The following REV1 variants were observed in gnomAD, a reference collection of about 807,000 sequenced individuals.
REV1 encodes REV1 DNA directed polymerase.
REV1 carries 42 observed loss-of-function variants against 137.4 expected under a neutral mutation model. The ratio of observed to expected loss-of-function variants is 0.31; its 90% CI spans 0.24 to 0.40. The LOEUF (loss-of-function observed/expected upper bound fraction) is 0.40. REV1 is among the 10% of genes least tolerant of loss of function. The probability of loss-of-function intolerance (pLI) is 1.00; values close to 1 mark genes in which losing one functional copy is unlikely to be tolerated. For synonymous variants in REV1, 524 were observed against 519.2 expected (o/e 1.01, Z -0.12); for missense variants, 1,282 against 1,490.1 (o/e 0.86, Z 2.30).
Position 99,424,714 on chromosome 2 carries a change from A to AAAG in REV1, c.1548-437_1548-435dup, listed in dbSNP as rs1442240216. The AAAG allele has an allele frequency of 2.4e-6, 3 of 1,270,964 alleles. No individual in the cohort carries two copies. In the African/African-American group the frequency reaches 4.6e-5, roughly 20 times the overall value. 78.7% of individuals were successfully genotyped at this position (1,270,964 alleles called of 1,614,324 possible). Reference sequence around the variant, plus strand: ...CCCCCAAAGACAAAGAATATAAACAAAAGAACTACACAAAACAGTGCTATG... The same window carrying AAAG: ...CCCCCAAAGACAAAGAATATAAACAAAAGAAGAACTACACAAAACAGTGCTATG... On this transcript the variant is annotated intron_variant, in intron 9 of 22. Coordinates refer to ENST00000258428, the MANE Select transcript of REV1 (RefSeq NM_016316.4).
chr2:99,476,246 G>C (rs1255423251), intron 1 of REV1, among the ~76,000 whole-genome samples: 1 of 152,024 alleles, frequency 6.6e-6, no homozygotes, highest in Non-Finnish European at 1.5e-5. Context: ...GAGACTGGGA[G>C]GTAACCTCTA....
intron 3 of REV1, among the ~76,000 whole-genome samples, chr2:99,457,715 G>A (rs1392077929): frequency 6.6e-6 from 1 of 151,626 alleles, no homozygotes; most frequent in Non-Finnish European, 1.5e-5. Context: ...AGAGAGAGGC[G>A]TAGGTCCTAG....
chr2:99,444,438 G>A (rs1197086907), intron 4 of REV1, among the ~76,000 whole-genome samples: 2 of 152,142 alleles, frequency 1.3e-5, no homozygotes, highest in East Asian at 1.9e-4. Flanking sequence ...GACTCTACAG[G>A]TACTCTCTAT....
At chr2:99,490,168 C>G (rs1189302604), upstream of REV1, 1 of 151,214 alleles carries the variant, frequency 6.6e-6, no homozygotes, top group African/African-American at 2.4e-5. Context: ...GGGCGTAGCA[C>G]CGCGGCGCCC....
intron 1 of REV1, among the ~76,000 whole-genome samples, chr2:99,486,072 C>A (rs569911331): frequency 1.3e-5 from 2 of 152,280 alleles, no homozygotes; most frequent in Admixed American, 1.3e-4. Context: ...CTGCAGTGAG[C>A]CGTGATCACA....
At position 99,421,648 on chromosome 2, in the gene REV1, G is replaced by A; in HGVS notation, c.1682C>T (p.Thr561Ile). The A allele has an allele frequency of 6.2e-7, 1 of 1,613,662 alleles. No individual in the cohort carries two copies. The highest frequency in any genetic ancestry group is 8.5e-7 in the Non-Finnish European group (1 of 1,179,804). ...QTLYETLASY[T>I]HNIEAVSCDE... Reference sequence around the variant, plus strand: ...ACAACTGACAGCTTCAATGTTATGAGTGTAGCTATCAACACAGAGCAAAGG... The same window carrying A: ...ACAACTGACAGCTTCAATGTTATGAATGTAGCTATCAACACAGAGCAAAGG... Residue 561 changes from threonine (T) to isoleucine (I), a missense_variant, in exon 11 of 23, where the codon ACT (threonine) becomes ATT (isoleucine). This residue lies in a region of REV1 where 372 missense variants were observed against 482.3 expected (regional missense o/e 0.77). Transcript: ENST00000258428.
In REV1 at chr2:99,434,381, G is replaced by A. The variant is rs200862651; in HGVS notation, c.1389C>T (p.Pro463=). The stretch of plus-strand genomic sequence containing the variant: ...TCTGGTAATACTGCCACTCCAGCTG[G>A]GGGTTAGCGCCAGGACGTAAAGGTG... ...GRAPLRPGAN[P]QLEWQYYQNK... is the part of the protein sequence containing the mutation. The change falls in exon 8 of 23, where the codon CCC becomes CCT. Residue 463 remains proline, a synonymous_variant. Coordinates refer to ENST00000258428, the MANE Select transcript of REV1 (RefSeq NM_016316.4). The A allele has an allele frequency of 2.5e-6, 4 of 1,607,692 alleles. No individual in the cohort carries two copies. The East Asian group carries it at 6.7e-5, about 27-fold the overall frequency.
intron 17 of REV1, among the ~76,000 whole-genome samples, chr2:99,404,924 C>T (rs1676069187): frequency 6.6e-6 from 1 of 152,162 alleles, no homozygotes; most frequent in Non-Finnish European, 1.5e-5. Context: ...CAGCCACTAT[C>T]ACATGACCAG....
At chr2:99,413,281 A>G (rs1297615541) in intron 12 of REV1, among the ~76,000 whole-genome samples, 1 of 152,234 alleles carries the variant, frequency 6.6e-6, no homozygotes, top group African/African-American at 2.4e-5. Context: ...AAAATCAACT[A>G]AGGAATCAAC....
At chr2:99,459,119 A>G (rs1276572467) in intron 3 of REV1, among the ~76,000 whole-genome samples, 3 of 151,868 alleles carry the variant, frequency 2.0e-5, no homozygotes, top group Non-Finnish European at 4.4e-5. Context: ...GAGGCAGGAG[A>G]ATGGTGTGAA....
upstream of REV1, among the ~76,000 whole-genome samples, chr2:99,490,202 C>T (rs1461876618): frequency 1.3e-5 from 2 of 150,674 alleles, no homozygotes; most frequent in African/African-American, 2.4e-5. Context: ...GTGTTCCTCC[C>T]CTCCCCGGCC....
Position 99,404,935 on chromosome 2 carries a change from G to T in REV1, c.2812-258C>A, listed in dbSNP as rs140327385. On this transcript the variant is annotated intron_variant, in intron 17 of 22. Transcript: ENST00000258428. ...CTACCAGCCACTATCACATGACCAG[G>T]TAAGTCCAAATATACTCACAGAATG... 3.3e-3 allele frequency among the ~76,000 whole-genome samples: 503 copies of T among 152,260 alleles called. 3 individuals carry two copies. The highest frequency in any genetic ancestry group is 0.012 in the African/African-American group (487 of 41,538).
At position 99,407,077 on chromosome 2, in the gene REV1, GTTCTTTTTTTTT is replaced by G. The variant is rs1363592006; in HGVS notation, c.2449-599_2449-588del. 3 of 46,778 alleles carry G rather than the reference GTTCTTTTTTTTT, an allele frequency of 6.4e-5. No individual in the cohort carries two copies. In the Admixed American group the frequency reaches 9.2e-4, roughly 14 times the overall value. 2.9% of individuals were successfully genotyped at this position (46,778 alleles called of 1,614,324 possible). On this transcript the variant is annotated intron_variant, in intron 15 of 22. Coordinates refer to ENST00000258428, the MANE Select transcript of REV1 (RefSeq NM_016316.4). Reference sequence around the variant, plus strand: ...CACACATAAAACTAAACCTACAAAGGTTCTTTTTTTTTTTTTTTTTTTTTTTTTTTGAGACAG... The same window carrying G: ...CACACATAAAACTAAACCTACAAAGGTTTTTTTTTTTTTTTTTTGAGACAG...
intron 19 of REV1, chr2:99,403,486 G>A (rs1011477670): frequency 1.5e-6 from 1 of 649,622 alleles, no homozygotes; most frequent in African/African-American, 1.8e-5. Context: ...GTAAAAAGTG[G>A]TGTGTTTAAA....
chr2:99,469,119 T>C (rs10191001), intron 1 of REV1, among the ~76,000 whole-genome samples: 4,862 of 152,178 alleles, frequency 0.032, 165 homozygotes, highest in South Asian at 0.16. Context: ...GAAGGGTGGA[T>C]ATGGTGGGGA....
At chr2:99,409,915 A>G (rs1212476456) in intron 14 of REV1, among the ~76,000 whole-genome samples, 1 of 141,400 alleles carries the variant, frequency 7.1e-6, no homozygotes, top group Non-Finnish European at 1.5e-5. Context: ...CAGACATTAC[A>G]GTGATTCATT....
chr2:99,408,482 AAC>A (rs1676652054), intron 14 of REV1: 1 of 162,024 alleles, frequency 6.2e-6, no homozygotes, highest in South Asian at 2.0e-4. Context: ...GTGAATGGTA[AAC>A]ACAATGTTCT....
chr2:99,403,916 T>G, intron 18 of REV1, 101 bp from the exon 19 acceptor site: 1 of 1,419,438 alleles, frequency 7.0e-7, no homozygotes, highest in Admixed American at 2.0e-5. Flanking sequence ...ATCTCACTTT[T>G]CTGATCTGTA....
rs1434400476 is a variant in REV1, at chr2:99,439,253, G to A, written c.561C>T (p.Asn187=). 2.5e-6 allele frequency: 4 copies of A among 1,613,918 alleles called. No individual in the cohort carries two copies. The Admixed American group carries it at 6.7e-5, about 27-fold the overall frequency. Residue 187 remains asparagine (N), a synonymous_variant, in exon 6 of 23, where the codon AAC becomes AAT. Transcript: ENST00000258428. ...TATTTTCATCTTCTTCATTCCAACT[G>A]TTCATGCCATTGACTTTGACTTCAT... The part of the protein sequence containing the change: ...TENEVKVNGM[N]SWNEEDENND...
Sources: allele counts gnomAD v4.1 joint callset (sites outside exome capture counted in the v4.1 genomes callset), GRCh38; gene constraint gnomAD v4.1.1; regional missense constraint gnomAD v4.1.1; transcripts MANE v1.5; gene names NCBI Gene and HGNC (gene_info 2026-07-23, HGNC 2026-07-21).